TMIGD3: variants seen among roughly 807,000 people sequenced by gnomAD.
TMIGD3 encodes transmembrane and immunoglobulin domain containing 3, also known as AD026 protein (AD026).
In TMIGD3, 21 loss-of-function variants were observed where a neutral mutation model predicts 28.1. The ratio of observed to expected loss-of-function variants is 0.75; its 90% CI spans 0.53 to 1.08. TMIGD3 has a LOEUF of 1.08. Ranked by LOEUF, TMIGD3 falls within the 50% of genes least tolerant of loss-of-function variation. The pLI is 0.00. For missense variants in TMIGD3, 416 were observed against 435.6 expected (o/e 0.96, Z 0.40); for synonymous variants, 151 against 162.1 (o/e 0.93, Z 0.52).
chr1:111,550,717 A>C (rs1197747071), intron 1 of TMIGD3, among the ~76,000 whole-genome samples: 2 of 151,940 alleles, frequency 1.3e-5, no homozygotes, highest in African/African-American at 2.4e-5. Flanking sequence ...CAGGCCTTGA[A>C]CTCCTAGGCT....
rs1410524776 is a variant in TMIGD3 at position 111,503,133 on chromosome 1, C to T, written c.222G>A (p.Leu74=). The change falls in exon 1 of 6, where the codon CTG becomes CTA. Residue 74 remains leucine, a synonymous_variant. Transcript: ENST00000369716. ...AGCTGTAGAAGTGGATTGTGATGCC[C>T]AGGCTGACAACAATGGCCAAAGGCA... The part of the protein sequence containing the change: ...LVMPLAIVVS[L]GITIHFYSCL... The T allele has an allele frequency of 7.4e-6, 12 of 1,614,054 alleles. No homozygotes were observed. Among genetic ancestry groups the T allele is most frequent in the Non-Finnish European group, 1.0e-5 (12 of 1,180,024 alleles).
chr1:111,523,827 A>T (rs2101006074), intron 1 of TMIGD3, among the ~76,000 whole-genome samples: 2 of 151,992 alleles, frequency 1.3e-5, no homozygotes, highest in South Asian at 2.1e-4. Flanking sequence ...TCTTGATATT[A>T]TTAATTTAGT....
chr1:111,518,577 C>T (rs1425409441), intron 1 of TMIGD3, among the ~76,000 whole-genome samples: 1 of 152,172 alleles, frequency 6.6e-6, no homozygotes, highest in Non-Finnish European at 1.5e-5. Context: ...AAACGAGAAG[C>T]CTAAAGTTCA....
intron 1 of TMIGD3, among the ~76,000 whole-genome samples, chr1:111,521,172 T>C (rs1571432757): frequency 6.6e-6 from 1 of 152,128 alleles, no homozygotes; most frequent in Non-Finnish European, 1.5e-5. Context: ...TATCGTAATT[T>C]GCTTGTGCAT....
At chr1:111,496,507 T>C (rs1654894095) in intron 1 of TMIGD3, among the ~76,000 whole-genome samples, 1 of 152,150 alleles carries the variant, frequency 6.6e-6, no homozygotes, top group South Asian at 2.1e-4. Context: ...AAAACAAAAC[T>C]TAAGCTTAAC....
At chr1:111,513,725 C>T (rs1655767261) in intron 1 of TMIGD3, among the ~76,000 whole-genome samples, 1 of 152,122 alleles carries the variant, frequency 6.6e-6, no homozygotes, top group Non-Finnish European at 1.5e-5. Flanking sequence ...TCCTATGCCC[C>T]CTCCCTCCCT....
chr1:111,548,451 G>T (rs1426604477), intron 1 of TMIGD3, among the ~76,000 whole-genome samples: 1 of 152,158 alleles, frequency 6.6e-6, no homozygotes, highest in African/African-American at 2.4e-5. Flanking sequence ...GACTCTGCTT[G>T]TTTAAAATTT....
chr1:111,494,820 T>C lies in TMIGD3; in HGVS notation c.351-4058A>G, dbSNP rs867586601. 2.6e-5 allele frequency among the ~76,000 whole-genome samples: 4 copies of C among 152,170 alleles called. No homozygotes were observed. In the South Asian group the frequency reaches 8.3e-4, roughly 31 times the overall value. On this transcript the variant is annotated intron_variant, in intron 1 of 5. Coordinates refer to ENST00000369716, the MANE Select transcript of TMIGD3 (RefSeq NM_020683.7). Reference sequence around the variant, plus strand: ...AGACACATAGACCAATGGAATAGAATGGAGAACCCACAAGTAAAGCTACAC... The same window carrying C: ...AGACACATAGACCAATGGAATAGAACGGAGAACCCACAAGTAAAGCTACAC...
chr1:111,523,188 G>A (rs185346858), intron 1 of TMIGD3, among the ~76,000 whole-genome samples: 6 of 152,208 alleles, frequency 3.9e-5, no homozygotes, highest in East Asian at 3.9e-4. Context: ...AGTTTATATC[G>A]GTGATACTGG....
exon 1 of TMIGD3, chr1:111,563,868 C>A (rs758620774): frequency 2.5e-6 from 4 of 1,613,318 alleles, no homozygotes; most frequent in Non-Finnish European, 3.4e-6. Flanking sequence ...CTCAAGCAGC[C>A]CAGTGTCCAG....
chr1:111,499,943 T>G, intron 1 of TMIGD3: 1 of 1,612,816 alleles, frequency 6.2e-7, no homozygotes, highest in Non-Finnish European at 8.5e-7. Flanking sequence ...TCATCTCTGA[T>G]GGATAACTAC....
chr1:111,504,827 C>T, upstream of TMIGD3: 1 of 983,574 alleles, frequency 1.0e-6, no homozygotes, highest in Non-Finnish European at 1.2e-6. Context: ...GACCCCCACC[C>T]TGTATCCCAA....
intron 1 of TMIGD3, among the ~76,000 whole-genome samples, chr1:111,562,466 T>C (rs1657779123): frequency 6.6e-6 from 1 of 152,252 alleles, no homozygotes; most frequent in East Asian, 1.9e-4. Flanking sequence ...CATGTACACC[T>C]GCATTTGTGT....
chr1:111,518,518 G>A (rs1409935756), intron 1 of TMIGD3, among the ~76,000 whole-genome samples: 1 of 152,182 alleles, frequency 6.6e-6, no homozygotes, highest in East Asian at 1.9e-4. Flanking sequence ...AATGGTCCCT[G>A]GGAGAATTTG....
intron 1 of TMIGD3, among the ~76,000 whole-genome samples, chr1:111,529,634 A>G (rs1656382929): frequency 6.6e-6 from 1 of 150,486 alleles, no homozygotes; most frequent in African/African-American, 2.4e-5. Context: ...CCCTTAATCC[A>G]TTCAACCCTG....
At chr1:111,548,663 C>T (rs1388587763) in intron 1 of TMIGD3, among the ~76,000 whole-genome samples, 1 of 152,158 alleles carries the variant, frequency 6.6e-6, no homozygotes, top group Non-Finnish European at 1.5e-5. Flanking sequence ...TTAATTTTTT[C>T]CTCATAAATG....
chr1:111,493,350 G>A (rs1050172189), intron 1 of TMIGD3, among the ~76,000 whole-genome samples: 1 of 152,128 alleles, frequency 6.6e-6, no homozygotes, highest in Non-Finnish European at 1.5e-5. Context: ...TAGTTCCCAT[G>A]AGAGCTGATT....
intron 1 of TMIGD3, among the ~76,000 whole-genome samples, chr1:111,546,186 T>G (rs995611126): frequency 1.3e-5 from 2 of 152,210 alleles, no homozygotes; most frequent in Non-Finnish European, 2.9e-5. Flanking sequence ...TTATAAGTTT[T>G]ACATTAAAAC....
chr1:111,516,773 C>A (rs1473607919), intron 1 of TMIGD3, among the ~76,000 whole-genome samples: 1 of 152,174 alleles, frequency 6.6e-6, no homozygotes, highest in African/African-American at 2.4e-5. Context: ...TGATGCCTTC[C>A]AACACGGGAT....
Sources: allele counts gnomAD v4.1 joint callset (sites outside exome capture counted in the v4.1 genomes callset), GRCh38; gene constraint gnomAD v4.1.1; transcripts MANE v1.5; gene names NCBI Gene and HGNC (gene_info 2026-07-23, HGNC 2026-07-21).